Variants in ZFHX3 observed in about 807,000 individuals in gnomAD.
ZFHX3 encodes zinc finger homeobox 3, also known as zinc finger homeobox protein 3.
A neutral mutation model predicts 279.1 loss-of-function variants in ZFHX3; 42 were observed. The ratio of observed to expected loss-of-function variants is 0.15; its 90% CI spans 0.12 to 0.19. The LOEUF (loss-of-function observed/expected upper bound fraction) is 0.19. ZFHX3 is among the 10% of genes least tolerant of loss of function. ZFHX3 has a pLI of 1.00. For synonymous variants in ZFHX3, 2,293 were observed against 1,957.8 expected (o/e 1.17, Z -4.52); for missense variants, 4,981 against 4,754.0 (o/e 1.05, Z -1.40).
chr16:73,055,675 CGT>C, intron 1 of ZFHX3, among the ~76,000 whole-genome samples: 1 of 113,516 alleles, frequency 8.8e-6, no homozygotes, highest in Admixed American at 1.0e-4. Context: ...ACGGTGCAGA[CGT>C]ACGCGCGCGC....
intron 1 of ZFHX3, among the ~76,000 whole-genome samples, chr16:73,796,863 T>A (rs1214299223): frequency 5.3e-5 from 8 of 152,210 alleles, no homozygotes; most frequent in Non-Finnish European, 1.2e-4. Context: ...TAACATGTCC[T>A]GGATCCCTTG....
intron 5 of ZFHX3, among the ~76,000 whole-genome samples, chr16:72,814,326 C>A (rs1014936538): frequency 9.2e-5 from 14 of 152,256 alleles, no homozygotes; most frequent in African/African-American, 3.4e-4. Flanking sequence ...CTTGTAAATG[C>A]CCTCAATCTG....
intron 1 of ZFHX3, among the ~76,000 whole-genome samples, chr16:73,811,009 G>C (rs549468105): frequency 3.3e-5 from 5 of 152,110 alleles, no homozygotes; most frequent in South Asian, 4.1e-4. Context: ...CTACACAGGA[G>C]GCCTGAGATT....
intron 1 of ZFHX3, among the ~76,000 whole-genome samples, chr16:73,788,500 T>C (rs1959727332): frequency 6.6e-6 from 1 of 152,162 alleles, no homozygotes; most frequent in Non-Finnish European, 1.5e-5. Flanking sequence ...CTTCTCTTGT[T>C]ATCATGCCTC....
At chr16:73,843,634 C>A (rs1388862758) in intron 1 of ZFHX3, among the ~76,000 whole-genome samples, 1 of 152,220 alleles carries the variant, frequency 6.6e-6, no homozygotes, top group Non-Finnish European at 1.5e-5. Flanking sequence ...ACAAAGATTG[C>A]TCTCCTCGTA....
chr16:72,987,877 G>T (rs1962912784), intron 1 of ZFHX3, among the ~76,000 whole-genome samples: 1 of 152,124 alleles, frequency 6.6e-6, no homozygotes, highest in African/African-American at 2.4e-5. Flanking sequence ...AGTGGCAAAG[G>T]ACAGACAAAC....
intron 3 of ZFHX3, among the ~76,000 whole-genome samples, chr16:72,942,764 G>A (rs914108795): frequency 6.6e-6 from 1 of 152,100 alleles, no homozygotes; most frequent in Non-Finnish European, 1.5e-5. Flanking sequence ...TAAATGGTGA[G>A]ATCCACAGTC....
chr16:73,641,479 T>C (rs2052572734), intron 2 of ZFHX3, among the ~76,000 whole-genome samples: 1 of 152,128 alleles, frequency 6.6e-6, no homozygotes, highest in Non-Finnish European at 1.5e-5. Context: ...TCTTGGAGCA[T>C]ATGGGTAAAA....
Position 72,941,671 on chromosome 16 carries a change from T to C in ZFHX3, c.3216+8798A>G, listed in dbSNP as rs895763308. Among the ~76,000 whole-genome samples, 7 of 152,096 alleles carry C rather than the reference T, an allele frequency of 4.6e-5. No individual in the cohort carries two copies. The South Asian group carries it at 1.4e-3, about 31-fold the overall frequency. On this transcript the variant is annotated intron_variant, in intron 3 of 9. Coordinates refer to ENST00000268489, the MANE Select transcript of ZFHX3 (RefSeq NM_006885.4). ...CTGTTTCTATTTTTTTTTAATGTCA[T>C]ATAAATTTCTTTTTATACAAAGAAA... is the stretch of plus-strand genomic sequence containing the variant.
intron 1 of ZFHX3, among the ~76,000 whole-genome samples, chr16:73,882,782 G>A (rs186700910): frequency 1.9e-4 from 29 of 151,928 alleles, no homozygotes; most frequent in Admixed American, 1.2e-3. Flanking sequence ...CAAGTGTCCC[G>A]AAACAACTAC....
chr16:73,280,118 A>T (rs2014420057), intron 4 of ZFHX3, among the ~76,000 whole-genome samples: 1 of 152,188 alleles, frequency 6.6e-6, no homozygotes, highest in Non-Finnish European at 1.5e-5. Context: ...AAAAAAATCA[A>T]CTCAAAATGG....
chr16:73,196,738 T>C (rs553545920), intron 5 of ZFHX3, among the ~76,000 whole-genome samples: 1 of 152,272 alleles, frequency 6.6e-6, no homozygotes, highest in East Asian at 1.9e-4. Flanking sequence ...AATAGACCCA[T>C]ACGTGTAGGT....
At chr16:73,057,981 G>A (rs1299068249) in intron 1 of ZFHX3, among the ~76,000 whole-genome samples, 1 of 147,858 alleles carries the variant, frequency 6.8e-6, no homozygotes, top group Non-Finnish European at 1.5e-5. Context: ...GGGCAAAGTT[G>A]GGGGCCGGGA....
chr16:73,652,464 A>C (rs1597048481), intron 2 of ZFHX3, among the ~76,000 whole-genome samples: 1 of 152,360 alleles, frequency 6.6e-6, no homozygotes, highest in East Asian at 1.9e-4. Flanking sequence ...ATTCTCACTA[A>C]AGAAAATAAA....
intron 1 of ZFHX3, among the ~76,000 whole-genome samples, chr16:73,044,454 C>G (rs532752096): frequency 6.6e-6 from 1 of 152,328 alleles, no homozygotes; most frequent in Non-Finnish European, 1.5e-5. Flanking sequence ...CTTCAGGTTA[C>G]TGACAGGCAT....
chr16:73,138,992 G>T (rs867866560), intron 6 of ZFHX3, among the ~76,000 whole-genome samples: 1 of 152,090 alleles, frequency 6.6e-6, no homozygotes, highest in Non-Finnish European at 1.5e-5. Flanking sequence ...TGCCCTGCCT[G>T]GTCATTGCCC....
intron 2 of ZFHX3, chr16:73,558,618 G>A (rs760865581): frequency 8.5e-5 from 13 of 152,100 alleles, no homozygotes; most frequent in Non-Finnish European, 1.8e-4. Flanking sequence ...GAGGGACCAC[G>A]GTGAAGGGCG....
At chr16:73,621,866 A>G (rs2052367106) in intron 2 of ZFHX3, among the ~76,000 whole-genome samples, 1 of 152,166 alleles carries the variant, frequency 6.6e-6, no homozygotes, top group Non-Finnish European at 1.5e-5. Context: ...CAAACCAGAG[A>G]ACCAGGAACA....
rs543681033 is a variant in ZFHX3 at position 73,129,687 on chromosome 16, C to T, written c.-897+1281G>A. Among the ~76,000 whole-genome samples the T allele has an allele frequency of 3.6e-5, 5 of 140,598 alleles. No individual in the cohort carries two copies. The South Asian group carries it at 6.3e-4, about 18-fold the overall frequency. 92.2% of individuals were successfully genotyped at this position (140,598 alleles called of 152,430 possible). A position where few individuals can be genotyped will look rare whatever the true frequency, so the allele number is the denominator to read the frequency against. ...GTGCCCACGCCTGTGTGCATGTGTG[C>T]GCGCATGTGCATGTGTGTGCATGTG... On this transcript the variant is annotated intron_variant, in intron 7 of 17. Transcript: ENST00000641206.
Sources: gnomAD v4.1 joint callset for allele counts (sites outside exome capture counted in the v4.1 genomes callset) on GRCh38, gnomAD v4.1.1 for gene constraint, MANE v1.5 for transcripts, NCBI Gene and HGNC (gene_info 2026-07-23, HGNC 2026-07-21) for gene names.